Variants in UBAP1 observed in about 807,000 individuals in gnomAD.
UBAP1 encodes the protein ubiquitin associated protein 1, also known as ubiquitin-associated protein 1.
Under a neutral mutation model 39.0 loss-of-function variants are expected in UBAP1, and 5 were observed. The observed-to-expected ratio is 0.13, with a 90% CI of 0.07 to 0.27. UBAP1 has a LOEUF of 0.27. UBAP1 is among the 10% of genes least tolerant of loss of function. UBAP1 has a pLI of 1.00. For missense variants in UBAP1, 490 were observed against 608.1 expected (o/e 0.81, Z 2.04); for synonymous variants, 211 against 225.1 (o/e 0.94, Z 0.56).
At chr9:34,187,856 T>A (rs549551952) in intron 1 of UBAP1, among the ~76,000 whole-genome samples, 1 of 151,986 alleles carries the variant, frequency 6.6e-6, no homozygotes, top group African/African-American at 2.4e-5. Context: ...ACTGTCCAGT[T>A]CCTTGGACTT....
intron 1 of UBAP1, among the ~76,000 whole-genome samples, chr9:34,206,569 C>T (rs538546220): frequency 6.6e-5 from 10 of 151,730 alleles, no homozygotes; most frequent in African/African-American, 2.4e-4. Context: ...TTATGTATTA[C>T]AGCATCTTGA....
chr9:34,217,783 C>CTTTTTTTTTTTTT lies in UBAP1; in HGVS notation c.-7-3107_-7-3095dup, dbSNP rs750494361. ...TTGTCATAAATGACAGGATTTCGTT[C>CTTTTTTTTTTTTT]TTTTTTTTTTTTTTTTTTTTTTTTT... On this transcript the variant is annotated intron_variant, in intron 1 of 6. Transcript: ENST00000297661. 3.4e-4 allele frequency among the ~76,000 whole-genome samples: 14 copies of CTTTTTTTTTTTTT among 41,224 alleles called. 2 individuals carry two copies. The highest frequency in any genetic ancestry group is 8.3e-4 in the African/African-American group (8 of 9,618). The allele number at this position is 41,224 out of a possible 152,430, so 27.0% of individuals were successfully genotyped here.
chr9:34,230,212 C>T (rs770150269), intron 2 of UBAP1, among the ~76,000 whole-genome samples: 1 of 150,886 alleles, frequency 6.6e-6, no homozygotes, highest in Non-Finnish European at 1.5e-5. Context: ...TACATGGGCA[C>T]GCCACCATGC....
At chr9:34,186,024 C>T (rs928468934) in intron 1 of UBAP1, among the ~76,000 whole-genome samples, 1 of 152,166 alleles carries the variant, frequency 6.6e-6, no homozygotes, top group African/African-American at 2.4e-5. Context: ...ACCTCAATGC[C>T]TATGCTGCAT....
At chr9:34,234,459 T>C (rs1833579253) in intron 3 of UBAP1, 119 bp downstream of exon 3, 1 of 1,162,350 alleles carries the variant, frequency 8.6e-7, no homozygotes, top group Non-Finnish European at 1.2e-6. Context: ...TGGTCAACGA[T>C]GGACCACATA....
chr9:34,231,834 G>A (rs1587864235), intron 2 of UBAP1, among the ~76,000 whole-genome samples: 1 of 150,002 alleles, frequency 6.7e-6, no homozygotes, highest in African/African-American at 2.5e-5. Context: ...TAGTAGAGAC[G>A]GGGTTTCACC....
At chr9:34,226,526 C>T (rs774108586) in intron 2 of UBAP1, among the ~76,000 whole-genome samples, 3 of 152,102 alleles carry the variant, frequency 2.0e-5, no homozygotes, top group Non-Finnish European at 2.9e-5. Flanking sequence ...CATGAGCCAC[C>T]GCGCCTGGCC....
chr9:34,228,519 A>G (rs1833227522), intron 2 of UBAP1, among the ~76,000 whole-genome samples: 1 of 151,622 alleles, frequency 6.6e-6, no homozygotes, highest in Non-Finnish European at 1.5e-5. Flanking sequence ...CATCATTAAT[A>G]GTACTTACGG....
At chr9:34,182,681 T>TTCTTTCTTTCTCTC (rs1491429494) in intron 1 of UBAP1, among the ~76,000 whole-genome samples, 1 of 115,598 alleles carries the variant, frequency 8.7e-6, no homozygotes, top group African/African-American at 3.4e-5. Flanking sequence ...CTTTCTTTCT[T>TTCTTTCTTTCTCTC]TCTCTCTCTC....
At chr9:34,223,997 C>T (rs142407762) in intron 2 of UBAP1, 68 of 451,692 alleles carry the variant, frequency 1.5e-4, no homozygotes, top group African/African-American at 9.7e-4. Context: ...TTTGCCTTTC[C>T]GGACCTTGAT....
intron 3 of UBAP1, among the ~76,000 whole-genome samples, chr9:34,236,928 G>A (rs1209446430): frequency 6.6e-6 from 1 of 151,856 alleles, no homozygotes; most frequent in African/African-American, 2.4e-5. Context: ...TCCAAACCAC[G>A]TTACTAGTAG....
intron 2 of UBAP1, among the ~76,000 whole-genome samples, chr9:34,221,767 C>T (rs984572977): frequency 9.2e-5 from 14 of 152,106 alleles, no homozygotes; most frequent in African/African-American, 3.4e-4. Context: ...TCTCTGTCAT[C>T]TTTTCCTAAG....
chr9:34,231,628 A>T lies in UBAP1; in HGVS notation c.35-2588A>T, dbSNP rs1833422298. ...TCTCCCCTGTTAAGGGACACTCAAA[A>T]TTTTTTTGTTTTTTTTTTTTGTTTG... On this transcript the variant is annotated intron_variant, in intron 2 of 6. Coordinates refer to ENST00000297661, the MANE Select transcript of UBAP1 (RefSeq NM_016525.5). Among the ~76,000 whole-genome samples, 3 of 141,544 alleles carry T rather than the reference A, an allele frequency of 2.1e-5. No homozygotes were observed. In the South Asian group the frequency reaches 6.9e-4, roughly 33 times the overall value. 92.9% of individuals were successfully genotyped at this position (141,544 alleles called of 152,430 possible). A position where few individuals can be genotyped will look rare whatever the true frequency, so the allele number is the denominator to read the frequency against.
chr9:34,188,383 AAC>A lies in UBAP1; in HGVS notation c.-8+9145_-8+9146del, dbSNP rs975523538. ...ATTTGATGGGTAAATAGAAGAGAGC[AAC>A]AAAGTAAAGCAATTTGAATGCTAAA... is the stretch of plus-strand genomic sequence containing the variant. On this transcript the variant is annotated intron_variant, in intron 1 of 6. Transcript: ENST00000297661. Among the ~76,000 whole-genome samples, 58 of 151,820 alleles carry A rather than the reference AAC, an allele frequency of 3.8e-4. 1 individual carries two copies. The highest frequency in any genetic ancestry group is 1.2e-3 in the African/African-American group (51 of 41,490).
In UBAP1 at chr9:34,241,408, G is replaced by A; in HGVS notation, c.383G>A (p.Ser128Asn). 1 of 1,579,240 alleles carries A rather than the reference G, an allele frequency of 6.3e-7. No individual in the cohort carries two copies. The highest frequency in any genetic ancestry group is 8.6e-7 in the Non-Finnish European group (1 of 1,162,358). The change falls in exon 4 of 7, where the codon AGC becomes AAC. Residue 128 changes from serine (S) to asparagine (N), a missense_variant. Around this residue, in one of 3 missense-constraint regions of UBAP1, gnomAD observed 144 missense variants for 184.4 expected, o/e 0.78. Coordinates refer to ENST00000297661, the MANE Select transcript of UBAP1 (RefSeq NM_016525.5). Reference protein sequence around the residue: ...NPILASLQHNSILTPTRVSSS... With the variant: ...NPILASLQHNNILTPTRVSSS... ...ATCCTCGCCAGCTTGCAGCACAACA[G>A]CATCCTCACACCAACTCGGGTCAGC...
At chr9:34,189,189 C>CTTTTT (rs779162347) in intron 1 of UBAP1, among the ~76,000 whole-genome samples, 1 of 138,842 alleles carries the variant, frequency 7.2e-6, no homozygotes, top group African/African-American at 2.6e-5. Context: ...ATCATTATAT[C>CTTTTT]TTTTTTTTTT....
intron 1 of UBAP1, among the ~76,000 whole-genome samples, chr9:34,209,286 G>A (rs1831890705): frequency 6.6e-6 from 1 of 152,046 alleles, no homozygotes; most frequent in African/African-American, 2.4e-5. Context: ...GGTTTTCTTT[G>A]TGTCCTAATA....
chr9:34,250,455 T>TA (rs1368120060), intron 5 of UBAP1, among the ~76,000 whole-genome samples: 1 of 152,184 alleles, frequency 6.6e-6, no homozygotes, highest in African/African-American at 2.4e-5. Flanking sequence ...TGCTCCTGTT[T>TA]AGAAGGCTGT....
intron 1 of UBAP1, among the ~76,000 whole-genome samples, chr9:34,215,703 TAAA>T: frequency 6.6e-6 from 1 of 151,866 alleles, no homozygotes. Context: ...AAAAAGGGTT[TAAA>T]AAAGTATAGG....
Sources: allele counts gnomAD v4.1 joint callset (sites outside exome capture counted in the v4.1 genomes callset), GRCh38; gene constraint gnomAD v4.1.1; regional missense constraint gnomAD v4.1.1; transcripts MANE v1.5; gene names NCBI Gene and HGNC (gene_info 2026-07-23, HGNC 2026-07-21).